Variants in PKD1L1 observed in about 807,000 individuals in gnomAD.
The protein encoded by PKD1L1 is polycystin-1-like protein 1.
PKD1L1 carries 236 observed loss-of-function variants against 323.4 expected under a neutral mutation model. The ratio of observed to expected loss-of-function variants is 0.73; its 90% CI spans 0.66 to 0.81. The LOEUF is 0.81. PKD1L1 is among the 40% of genes least tolerant of loss of function. PKD1L1 has a pLI of 0.00. For synonymous variants in PKD1L1, 1,344 were observed against 1,335.0 expected (o/e 1.01, Z -0.15); for missense variants, 3,320 against 3,508.0 (o/e 0.95, Z 1.35).
At chr7:47,905,116 A>C in intron 11 of PKD1L1, 41 bp downstream of exon 11, 2 of 1,591,510 alleles carry the variant, frequency 1.3e-6, no homozygotes, top group Non-Finnish European at 1.7e-6. Flanking sequence ...TATAGGCTGC[A>C]GTACAAACAG....
At position 47,827,485 on chromosome 7, in the gene PKD1L1, T is replaced by C; in HGVS notation, c.6736-17A>G. 6.3e-7 allele frequency: 1 copy of C among 1,590,726 alleles called. No homozygotes were observed. The highest frequency in any genetic ancestry group is 1.1e-5 in the South Asian group (1 of 88,794). On this transcript the variant is annotated splice_polypyrimidine_tract_variant and intron_variant, in intron 44 of 56. Coordinates refer to ENST00000289672, the MANE Select transcript of PKD1L1 (RefSeq NM_138295.5). ...AGCCAAGACCTGTCAGGGACAAGAG[T>C]GCTGTGAGCTGCGGGCTGGTGGGTG...
At chr7:47,890,811 C>T in intron 15 of PKD1L1, 48 bp from the exon 16 acceptor site, 1 of 1,545,916 alleles carries the variant, frequency 6.5e-7, no homozygotes. Flanking sequence ...CAGGCAGAGT[C>T]AGGGACTACC....
chr7:47,932,176 T>G, intron 4 of PKD1L1, 120 bp from the exon 5 acceptor site: 3 of 1,432,300 alleles, frequency 2.1e-6, no homozygotes, highest in Middle Eastern at 3.7e-4. Flanking sequence ...TCCCTTGCTG[T>G]GATTGCAGGC....
chr7:47,895,634 T>A (rs1786919504), intron 14 of PKD1L1, among the ~76,000 whole-genome samples: 1 of 152,196 alleles, frequency 6.6e-6, no homozygotes, highest in African/African-American at 2.4e-5. Context: ...GTGCTTTATG[T>A]TTACTTTTGG....
intron 8 of PKD1L1, among the ~76,000 whole-genome samples, chr7:47,912,815 C>CAAAAAAA (rs59792729): frequency 9.4e-4 from 60 of 63,618 alleles, no homozygotes; most frequent in Non-Finnish European, 1.5e-3. Context: ...GACTGTGTCT[C>CAAAAAAA]AAAAAAAAAA....
chr7:47,811,782 C>T (rs1260272104), intron 50 of PKD1L1, 35 bp downstream of exon 50: 1 of 1,526,238 alleles, frequency 6.6e-7, no homozygotes, highest in Non-Finnish European at 8.9e-7. Context: ...TCTTCCTGTG[C>T]ACCTCCAGGA....
chr7:47,825,716 A>G (rs1308558519), intron 45 of PKD1L1, among the ~76,000 whole-genome samples: 2 of 152,042 alleles, frequency 1.3e-5, no homozygotes, highest in African/African-American at 2.4e-5. Flanking sequence ...GTCATAGGGA[A>G]GTTTTCCTCA....
rs560297957 is a variant in PKD1L1, at chr7:47,789,965, C to T, written c.8526+2662G>A. 8.9e-4 allele frequency among the ~76,000 whole-genome samples: 135 copies of T among 151,804 alleles called. 1 individual carries two copies. Among genetic ancestry groups the T allele is most frequent in the African/African-American group, 3.0e-3 (126 of 41,394 alleles). On this transcript the variant is annotated intron_variant, in intron 56 of 56. Transcript: ENST00000289672. The stretch of plus-strand genomic sequence containing the variant: ...GTGCAGTGGTGTGATCTCGGCTCAC[C>T]GCAACCTCTGCCTCCCAGGTTCAAG...
At chr7:47,901,327 C>T (rs1360184843) in intron 13 of PKD1L1, among the ~76,000 whole-genome samples, 1 of 62,620 alleles carries the variant, frequency 1.6e-5, no homozygotes, top group African/African-American at 5.0e-5. Flanking sequence ...AACAGAGTCT[C>T]AAAAAAAAAA....
chr7:47,911,973 A>G (rs1787332451), intron 8 of PKD1L1, among the ~76,000 whole-genome samples: 1 of 151,894 alleles, frequency 6.6e-6, no homozygotes, highest in African/African-American at 2.4e-5. Flanking sequence ...GAAGGCAGGA[A>G]AGAAGAAGGG....
At chr7:47,911,069 G>C (rs553943548) in intron 8 of PKD1L1, among the ~76,000 whole-genome samples, 2 of 152,054 alleles carry the variant, frequency 1.3e-5, no homozygotes, top group Admixed American at 6.6e-5. Context: ...CTAATGTGTC[G>C]AATTGTAATA....
intron 7 of PKD1L1, among the ~76,000 whole-genome samples, chr7:47,923,740 T>C (rs889770008): frequency 6.6e-6 from 1 of 152,052 alleles, no homozygotes; most frequent in African/African-American, 2.4e-5. Flanking sequence ...GAACCATGAA[T>C]ACTATGTTAG....
At position 47,835,693 on chromosome 7, in the gene PKD1L1, G is replaced by A. The variant is rs138731379; in HGVS notation, c.5944-450C>T. ...TGGGATTACAGGCGTGAGCTACTGC[G>A]CCTGGCCACAATTCAATTTAAATAA... On this transcript the variant is annotated intron_variant, in intron 37 of 56. Coordinates refer to ENST00000289672, the MANE Select transcript of PKD1L1 (RefSeq NM_138295.5). 4.3e-3 allele frequency among the ~76,000 whole-genome samples: 648 copies of A among 152,144 alleles called. 3 individuals carry two copies. The highest frequency in any genetic ancestry group is 0.015 in the African/African-American group (614 of 41,472).
chr7:47,805,353 G>C (rs1336000050), intron 52 of PKD1L1, among the ~76,000 whole-genome samples: 1 of 152,210 alleles, frequency 6.6e-6, no homozygotes. Context: ...TTATCTTGAA[G>C]ATGACTCGTT....
At position 47,944,290 on chromosome 7, in the gene PKD1L1, G is replaced by T. The variant is rs141035324; in HGVS notation, c.45-779C>A. Among the ~76,000 whole-genome samples the T allele has an allele frequency of 3.6e-4, 55 of 152,052 alleles. No individual in the cohort carries two copies. The East Asian group carries it at 9.7e-3, about 27-fold the overall frequency. On this transcript the variant is annotated intron_variant, in intron 1 of 56. Transcript: ENST00000289672. ...CTCCCCTCCTCTTGCTCCTGCTGTC[G>T]CCATGTGATGCACCTGCTCCCCCTT...
chr7:47,831,936 C>T (rs1238404392), intron 41 of PKD1L1, among the ~76,000 whole-genome samples: 1 of 152,230 alleles, frequency 6.6e-6, no homozygotes, highest in Non-Finnish European at 1.5e-5. Flanking sequence ...TTTCAACCTT[C>T]CCTCTCTGCT....
intron 8 of PKD1L1, 31 bp from the exon 9 acceptor site, chr7:47,908,281 T>C: frequency 1.3e-6 from 2 of 1,585,992 alleles, no homozygotes; most frequent in Admixed American, 1.7e-5. Context: ...GGACACTTGA[T>C]GAATTTTTAA....
chr7:47,901,723 C>T (rs1041774346), intron 13 of PKD1L1, among the ~76,000 whole-genome samples: 1 of 152,226 alleles, frequency 6.6e-6, no homozygotes, highest in Non-Finnish European at 1.5e-5. Context: ...TCCACCAGCA[C>T]CCTCTGCGGG....
chr7:47,836,232 C>T lies in PKD1L1; in HGVS notation c.5943+689G>A, dbSNP rs149312640. ...CTGGTGTCATAAAGGAGCCACTATG[C>T]CCGGCTGTCCCATGGATGGGTCGCT... On this transcript the variant is annotated intron_variant, in intron 37 of 56. Transcript: ENST00000289672. 2.6e-5 allele frequency among the ~76,000 whole-genome samples: 4 copies of T among 152,284 alleles called. No individual in the cohort carries two copies. In the East Asian group the frequency reaches 7.7e-4, roughly 29 times the overall value.
Sources: allele counts gnomAD v4.1 joint callset (sites outside exome capture counted in the v4.1 genomes callset), GRCh38; gene constraint gnomAD v4.1.1; transcripts MANE v1.5; gene names NCBI Gene and HGNC (gene_info 2026-07-23, HGNC 2026-07-21).